The following CREB3L4 variants were observed in gnomAD, a reference collection of about 807,000 sequenced individuals.
CREB3L4 encodes cyclic AMP-responsive element-binding protein 3-like protein 4.
Under a neutral mutation model 37.0 loss-of-function variants are expected in CREB3L4, and 28 were observed. That is an observed-to-expected ratio of 0.76 (90% confidence interval 0.56 to 1.04). CREB3L4 has a LOEUF of 1.04. Among genes scored for constraint, CREB3L4 ranks in the 50% least tolerant of loss-of-function variants. The probability of loss-of-function intolerance (pLI) is 0.00; values close to 1 mark genes in which losing one functional copy is unlikely to be tolerated. For missense variants in CREB3L4, 462 were observed against 486.0 expected, an observed-to-expected ratio of 0.95 and a Z score of 0.46; for synonymous variants, 175 against 192.2, an observed-to-expected ratio of 0.91 and a Z score of 0.74.
intron 2 of CREB3L4, 43 bp from the exon 3 acceptor site, chr1:153,968,887 A>C: frequency 6.4e-7 from 1 of 1,558,224 alleles, no homozygotes; most frequent in Non-Finnish European, 8.7e-7. Flanking sequence ...GAGGACTTCC[A>C]AAATTCTTCC....
chr1:153,968,816 TG>T, intron 2 of CREB3L4, 113 bp from the exon 3 acceptor site: 1 of 1,528,076 alleles, frequency 6.5e-7, no homozygotes, highest in Non-Finnish European at 8.9e-7. Context: ...AGACGTAAGT[TG>T]TATAATAACT....
At chr1:153,973,744 C>T in intron 9 of CREB3L4, 28 bp downstream of exon 9, 1 of 1,575,040 alleles carries the variant, frequency 6.3e-7, no homozygotes, top group Non-Finnish European at 8.7e-7. Context: ...GGAGCAACCC[C>T]TGGCTGAGCA....
Position 153,970,580 on chromosome 1 carries a change from G to A in CREB3L4, c.543+1125G>A, listed in dbSNP as rs1385729250. Among the ~76,000 whole-genome samples the A allele has an allele frequency of 2.6e-5, 4 of 152,060 alleles. No individual in the cohort carries two copies. The South Asian group carries it at 6.2e-4, about 24-fold the overall frequency. On this transcript the variant is annotated intron_variant, in intron 4 of 9. Transcript: ENST00000368607. ...GCCTTCTCAAGGCCGTCTGGGCAGC[G>A]TCCAAGGCTGGGTAAAGAGGGGACT...
chr1:153,969,529 G>A, intron 4 of CREB3L4, 74 bp downstream of exon 4: 5 of 1,549,174 alleles, frequency 3.2e-6, no homozygotes, highest in Non-Finnish European at 4.4e-6. Flanking sequence ...AAAGGGATGA[G>A]GGAATGGAAA....
chr1:153,970,389 C>T (rs1438148219), intron 4 of CREB3L4, among the ~76,000 whole-genome samples: 1 of 152,200 alleles, frequency 6.6e-6, no homozygotes, highest in Non-Finnish European at 1.5e-5. Context: ...GCCATTATCT[C>T]AGCCTTGGGT....
At chr1:153,972,271 A>C (rs947826473) in intron 4 of CREB3L4, among the ~76,000 whole-genome samples, 1 of 152,216 alleles carries the variant, frequency 6.6e-6, no homozygotes, top group Admixed American at 6.5e-5. Flanking sequence ...AGCAGAGCTC[A>C]GACCCTAAGG....
chr1:153,969,210 C>G (rs1648097051), intron 3 of CREB3L4, 34 bp downstream of exon 3: 1 of 1,613,942 alleles, frequency 6.2e-7, no homozygotes, highest in East Asian at 2.2e-5. Context: ...GGAAATGGCC[C>G]TTCGGGACTG....
At chr1:153,972,889 T>G in intron 5 of CREB3L4, 53 bp downstream of exon 5, 1 of 1,601,816 alleles carries the variant, frequency 6.2e-7, no homozygotes, top group Non-Finnish European at 8.6e-7. Flanking sequence ...CCATGACCTC[T>G]GAGGGGCCAA....
chr1:153,972,602 C>T, intron 4 of CREB3L4, 142 bp from the exon 5 acceptor site: 2 of 641,046 alleles, frequency 3.1e-6, no homozygotes, highest in Non-Finnish European at 5.5e-6. Context: ...AAGTCTCTGC[C>T]CCTCACCTCA....
In CREB3L4 at chr1:153,969,160, T is replaced by C. The variant is rs774374216; in HGVS notation, c.405T>C (p.Leu135=). The change falls in exon 3 of 10, where the codon CTT becomes CTC. Residue 135 remains leucine, a synonymous_variant. Transcript: ENST00000368607. The stretch of plus-strand genomic sequence containing the variant: ...GGGAAACTGGGCCAAATGTAGGCCT[T>C]ATCTCCATCCAGCTAGGTCAGTGTT... ...MQGETGPNVG[L]ISIQLDQWSP... 1 of 1,614,018 alleles carries C rather than the reference T, an allele frequency of 6.2e-7. No individual in the cohort carries two copies. The highest frequency in any genetic ancestry group is 2.2e-5 in the East Asian group (1 of 44,904).
Position 153,969,105 on chromosome 1 carries a change from A to C in CREB3L4, c.350A>C (p.Tyr117Ser), listed in dbSNP as rs757192742. 6.2e-7 allele frequency: 1 copy of C among 1,614,154 alleles called. No individual in the cohort carries two copies. ...TSSPMLYEVV[Y>S]EAGALERMQG... Reference sequence around the variant, plus strand: ...TCTCCTATGCTCTATGAGGTTGTCTATGAGGCAGGGGCCCTGGAGAGGATG... The same window carrying C: ...TCTCCTATGCTCTATGAGGTTGTCTCTGAGGCAGGGGCCCTGGAGAGGATG... The change falls in exon 3 of 10, where the codon TAT becomes TCT. Residue 117 changes from tyrosine (Y) to serine (S), a missense_variant. By Grantham distance (144) the Tyr-to-Ser change is moderately radical (BLOSUM62 -2). Coordinates refer to ENST00000368607, the MANE Select transcript of CREB3L4 (RefSeq NM_001255978.2).
rs193102668 is a variant in CREB3L4 at position 153,970,807 on chromosome 1, T to C, written c.543+1352T>C. On this transcript the variant is annotated intron_variant, in intron 4 of 9. Coordinates refer to ENST00000368607, the MANE Select transcript of CREB3L4 (RefSeq NM_001255978.2). ...GTCACCAGACTGGAGTGCAGTGGCA[T>C]CATCTCAGCTCACTGCAACCTCTGC... Among the ~76,000 whole-genome samples the C allele has an allele frequency of 1.2e-3, 163 of 137,772 alleles. 1 individual carries two copies. Among genetic ancestry groups the C allele is most frequent in the African/African-American group, 3.7e-3 (138 of 37,794 alleles). The allele number at this position is 137,772 out of a possible 152,430, so 90.4% of individuals were successfully genotyped here. A position where few individuals can be genotyped will look rare whatever the true frequency, so the allele number is the denominator to read the frequency against.
chr1:153,969,207 GC>G, intron 3 of CREB3L4, 31 bp downstream of exon 3: 1 of 1,613,920 alleles, frequency 6.2e-7, no homozygotes. Context: ...GGGGGAAATG[GC>G]CCTTCGGGAC....
intron 2 of CREB3L4, 85 bp from the exon 3 acceptor site, chr1:153,968,845 G>A (rs1648041930): frequency 2.6e-6 from 4 of 1,531,680 alleles, no homozygotes; most frequent in Non-Finnish European, 3.5e-6. Flanking sequence ...TGCCCAAGAA[G>A]TGAAAGGACT....
At position 153,968,597 on chromosome 1, in the gene CREB3L4, C is replaced by T; in HGVS notation, c.72C>T (p.Ser24=). 1 of 1,614,086 alleles carries T rather than the reference C, an allele frequency of 6.2e-7. No homozygotes were observed. The highest frequency in any genetic ancestry group is 8.5e-7 in the Non-Finnish European group (1 of 1,180,014). Residue 24 remains serine (S), a synonymous_variant, in exon 2 of 10, where the codon TCC becomes TCT. Coordinates refer to ENST00000368607, the MANE Select transcript of CREB3L4 (RefSeq NM_001255978.2). ...EPPEDIFSTG[S]VLELGLHCPP... is the part of the protein sequence containing the mutation. Reference sequence around the variant, plus strand: ...CAGAGGATATCTTCTCGACAGGATCCGTCCTGGAGCTGGGACTCCACTGCC... The same window carrying T: ...CAGAGGATATCTTCTCGACAGGATCTGTCCTGGAGCTGGGACTCCACTGCC...
chr1:153,973,887 T>C lies in CREB3L4; in HGVS notation c.1010T>C (p.Ile337Thr). ...YQPHGVTSRN[I>T]LTHKDVTENL... is the part of the protein sequence containing the mutation. Reference sequence around the variant, plus strand: ...CACCTCACAGTGACTTCCAGAAATATCCTGACCCACAAGGACGTAACAGAA... The same window carrying C: ...CACCTCACAGTGACTTCCAGAAATACCCTGACCCACAAGGACGTAACAGAA... Residue 337 changes from isoleucine (I) to threonine (T), a missense_variant, in exon 10 of 10, where the codon ATC (isoleucine) becomes ACC (threonine). Coordinates refer to ENST00000368607, the MANE Select transcript of CREB3L4 (RefSeq NM_001255978.2). 1 of 1,614,072 alleles carries C rather than the reference T, an allele frequency of 6.2e-7. No homozygotes were observed. Among genetic ancestry groups the C allele is most frequent in the Non-Finnish European group, 8.5e-7 (1 of 1,179,996 alleles).
intron 4 of CREB3L4, among the ~76,000 whole-genome samples, chr1:153,971,472 T>C (rs2102169427): frequency 6.6e-6 from 1 of 152,198 alleles, no homozygotes; most frequent in South Asian, 2.1e-4. Flanking sequence ...TCTCACTATG[T>C]TGCCCAGGTT....
intron 8 of CREB3L4, 44 bp from the exon 9 acceptor site, chr1:153,973,576 T>C (rs1648618697): frequency 1.9e-6 from 3 of 1,584,718 alleles, no homozygotes; most frequent in Non-Finnish European, 2.6e-6. Flanking sequence ...CTCCGTTCAC[T>C]CTACCCCCTG....
chr1:153,969,497 TA>T (rs1242687122), intron 4 of CREB3L4, 42 bp downstream of exon 4: 1 of 1,605,896 alleles, frequency 6.2e-7, no homozygotes, highest in Admixed American at 1.7e-5. Flanking sequence ...CCTTGATACA[TA>T]TATAATCACA....
Sources: allele counts gnomAD v4.1 joint callset (sites outside exome capture counted in the v4.1 genomes callset), GRCh38; gene constraint gnomAD v4.1.1; transcripts MANE v1.5; gene names NCBI Gene and HGNC (gene_info 2026-07-23, HGNC 2026-07-21).